ZNF670: variants seen among roughly 807,000 people sequenced by gnomAD.
ZNF670 encodes zinc finger protein 670.
ZNF670 carries 7 observed loss-of-function variants against 10.9 expected under a neutral mutation model. That is an observed-to-expected ratio of 0.64 (90% confidence interval 0.36 to 1.20). The LOEUF (loss-of-function observed/expected upper bound fraction) is 1.20, where lower values mean the gene tolerates loss of function less well. ZNF670 is among the 50% of genes most tolerant of loss of function. The probability of loss-of-function intolerance (pLI) is 0.02; values close to 1 mark genes in which losing one functional copy is unlikely to be tolerated. For synonymous variants in ZNF670, 136 were observed against 152.7 expected (o/e 0.89, Z 0.81); for missense variants, 446 against 458.6 (o/e 0.97, Z 0.25).
At chr1:247,043,569 A>C (rs945329450) in intron 1 of ZNF670, 29 of 653,148 alleles carry the variant, frequency 4.4e-5, no homozygotes, top group Non-Finnish European at 6.4e-5. Context: ...AGCTTCCAAA[A>C]GTCTCACAAT....
chr1:247,059,611 G>C (rs1400052760), intron 1 of ZNF670, among the ~76,000 whole-genome samples: 1 of 152,016 alleles, frequency 6.6e-6, no homozygotes, highest in Non-Finnish European at 1.5e-5. Context: ...ACAACAAAAA[G>C]TATATAATCA....
chr1:247,066,055 G>A (rs575845722), intron 1 of ZNF670, among the ~76,000 whole-genome samples: 1 of 152,316 alleles, frequency 6.6e-6, no homozygotes, highest in African/African-American at 2.4e-5. Flanking sequence ...AGTACTCTGT[G>A]TGCAACAAAC....
rs538220308 is a variant in ZNF670 at position 247,069,419 on chromosome 1, A to G, written c.3+9175T>C. Among the ~76,000 whole-genome samples, 121 of 150,672 alleles carry G rather than the reference A, an allele frequency of 8.0e-4. 8 individuals are homozygous for G. The highest frequency in any genetic ancestry group is 2.9e-3 in the African/African-American group (116 of 40,210). On this transcript the variant is annotated intron_variant, in intron 1 of 3. Transcript: ENST00000366503. ...GGGAATGTCAACTAGTACAACTACT[A>G]TGGAGAACAGTTTGAAGGTCTTTCA...
intron 1 of ZNF670, among the ~76,000 whole-genome samples, chr1:247,051,746 T>C (rs1670600616): frequency 6.6e-6 from 1 of 151,940 alleles, no homozygotes; most frequent in South Asian, 2.1e-4. Context: ...GAGGAAGACC[T>C]ATTATTGCTA....
At chr1:247,072,839 T>TATATGC in intron 1 of ZNF670, among the ~76,000 whole-genome samples, 2 of 68,566 alleles carry the variant, frequency 2.9e-5, no homozygotes, top group South Asian at 9.6e-4. Context: ...TATATATATA[T>TATATGC]GCATACACAC....
chr1:247,059,998 G>A (rs1353105127), intron 1 of ZNF670, among the ~76,000 whole-genome samples: 2 of 152,070 alleles, frequency 1.3e-5, no homozygotes, highest in Non-Finnish European at 2.9e-5. Context: ...AATAAATGGA[G>A]AGATATTCCA....
chr1:247,076,660 T>C (rs1342037233), intron 1 of ZNF670, among the ~76,000 whole-genome samples: 2 of 145,420 alleles, frequency 1.4e-5, no homozygotes, highest in South Asian at 2.1e-4. Flanking sequence ...TAAACTCTCT[T>C]TTTTTTTTTT....
rs556101845 is a variant in ZNF670 at position 247,046,503 on chromosome 1, C to T, written c.4-6966G>A. On this transcript the variant is annotated intron_variant, in intron 1 of 3. Transcript: ENST00000366503. The stretch of plus-strand genomic sequence containing the variant: ...ACAAGCCATAAGCCTTGGAGGCTTC[C>T]GCTTAGTGTTAAGCCTGCAGGTGCA... Among the ~76,000 whole-genome samples the T allele has an allele frequency of 2.0e-3, 301 of 152,312 alleles. 1 individual carries two copies. Among genetic ancestry groups the T allele is most frequent in the South Asian group, 5.0e-3 (24 of 4,826 alleles).
At chr1:247,066,630 T>C (rs1670985606) in intron 1 of ZNF670, among the ~76,000 whole-genome samples, 1 of 152,172 alleles carries the variant, frequency 6.6e-6, no homozygotes, top group Non-Finnish European at 1.5e-5. Context: ...ATAAGGGTAT[T>C]TCAAAGTTAA....
chr1:247,078,538 C>G, intron 1 of ZNF670, 56 bp downstream of exon 1: 1 of 1,611,592 alleles, frequency 6.2e-7, no homozygotes, highest in South Asian at 1.1e-5. Context: ...TTCGCCACAA[C>G]CGCTTCCTGG....
At chr1:247,067,829 G>T (rs1479978395) in intron 1 of ZNF670, among the ~76,000 whole-genome samples, 1 of 94,476 alleles carries the variant, frequency 1.1e-5, no homozygotes. Flanking sequence ...GCGACAGAGC[G>T]AGACTCCGTC....
In ZNF670 at chr1:247,035,833, C is replaced by T. The variant is rs6698426; in HGVS notation, c.*1616G>A. On this transcript the variant is annotated 3_prime_UTR_variant, in exon 4 of 4. Coordinates refer to ENST00000366503, the MANE Select transcript of ZNF670 (RefSeq NM_033213.5). ...GTTTCTTATCTGAAATACTTGGGAA[C>T]GGAAGTGCTTTGGATTTCAGACTTT... 0.026 allele frequency among the ~76,000 whole-genome samples: 3,924 copies of T among 152,186 alleles called. 195 individuals carry two copies. Among genetic ancestry groups the T allele is most frequent in the African/African-American group, 0.089 (3,703 of 41,502 alleles).
chr1:247,078,806 GA>G lies in ZNF670; in HGVS notation c.-211del. The G allele has an allele frequency of 1.7e-6, 1 of 590,742 alleles. No homozygotes were observed. The highest frequency in any genetic ancestry group is 2.0e-5 in the South Asian group (1 of 49,020). 36.6% of individuals were successfully genotyped at this position (590,742 alleles called of 1,614,324 possible). On this transcript the variant is annotated 5_prime_UTR_variant, in exon 1 of 4. Coordinates refer to ENST00000366503, the MANE Select transcript of ZNF670 (RefSeq NM_033213.5). Reference sequence around the variant, plus strand: ...TGCTCCCTCCTTTCGCGGCGCGCTTGAGAGTACAGTCCCCTTCCCAGCGCCC... The same window carrying G: ...TGCTCCCTCCTTTCGCGGCGCGCTTGGAGTACAGTCCCCTTCCCAGCGCCC...
At position 247,078,678 on chromosome 1, in the gene ZNF670, A is replaced by C; in HGVS notation, c.-82T>G. On this transcript the variant is annotated 5_prime_UTR_variant, in exon 1 of 4. Coordinates refer to ENST00000366503, the MANE Select transcript of ZNF670 (RefSeq NM_033213.5). ...CCAGAGCAACAGAAGCTGCCGCGGGACCACTTGGACCTCCCAGGGATAAGG... is the reference window on the plus strand; with the variant it reads ...CCAGAGCAACAGAAGCTGCCGCGGGCCCACTTGGACCTCCCAGGGATAAGG... 6.7e-7 allele frequency: 1 copy of C among 1,482,096 alleles called. No individual in the cohort carries two copies. The highest frequency in any genetic ancestry group is 9.4e-7 in the Non-Finnish European group (1 of 1,066,892). The allele number at this position is 1,482,096 out of a possible 1,614,324, so 91.8% of individuals were successfully genotyped here.
At chr1:247,077,412 T>C (rs1235401867) in intron 1 of ZNF670, among the ~76,000 whole-genome samples, 2 of 152,166 alleles carry the variant, frequency 1.3e-5, no homozygotes, top group African/African-American at 4.8e-5. Context: ...CATATCACCC[T>C]CTAAAGTTTC....
chr1:247,057,486 G>A (rs1403790634), intron 1 of ZNF670, among the ~76,000 whole-genome samples: 3 of 152,056 alleles, frequency 2.0e-5, no homozygotes, highest in Admixed American at 2.0e-4. Flanking sequence ...CCCACTCCTA[G>A]GTATATATCC....
chr1:247,063,810 G>A (rs1670921312), intron 1 of ZNF670, among the ~76,000 whole-genome samples: 1 of 152,178 alleles, frequency 6.6e-6, no homozygotes, highest in Non-Finnish European at 1.5e-5. Flanking sequence ...CTCCTCCGAT[G>A]ACTCTCCCGT....
rs144765198 is a variant in ZNF670 at position 247,046,265 on chromosome 1, C to G, written c.4-6728G>C. Among the ~76,000 whole-genome samples the G allele has an allele frequency of 3.0e-4, 46 of 152,286 alleles. No individual in the cohort carries two copies. The East Asian group carries it at 8.3e-3, about 28-fold the overall frequency. On this transcript the variant is annotated intron_variant, in intron 1 of 3. Transcript: ENST00000366503. The stretch of plus-strand genomic sequence containing the variant: ...GAGCCAGGTGCCAACAGCCATGAGG[C>G]TAAGAAAAAGACCTGTAATGCATTT...
Position 247,037,164 on chromosome 1 carries a change from C to G in ZNF670, c.*285G>C, listed in dbSNP as rs1371169005. On this transcript the variant is annotated 3_prime_UTR_variant, in exon 4 of 4. Coordinates refer to ENST00000366503, the MANE Select transcript of ZNF670 (RefSeq NM_033213.5). ...AACTGAAAATCTAAAGTATAGACAC[C>G]TTCTTTAACAATGAACCACTGATAA... 6.5e-6 allele frequency: 2 copies of G among 306,510 alleles called. No homozygotes were observed. The highest frequency in any genetic ancestry group is 1.2e-5 in the Non-Finnish European group (2 of 168,288). The allele number at this position is 306,510 out of a possible 1,614,324, so 19.0% of individuals were successfully genotyped here.
Sources: allele counts gnomAD v4.1 joint callset (sites outside exome capture counted in the v4.1 genomes callset), GRCh38; gene constraint gnomAD v4.1.1; transcripts MANE v1.5; gene names NCBI Gene and HGNC (gene_info 2026-07-23, HGNC 2026-07-21).